Variants in FMN1 observed in about 807,000 individuals in gnomAD.
FMN1 encodes formin 1, also known as formin-1.
Under a neutral mutation model 132.4 loss-of-function variants are expected in FMN1, and 110 were observed. The ratio of observed to expected loss-of-function variants is 0.83; its 90% CI spans 0.71 to 0.97. The LOEUF (loss-of-function observed/expected upper bound fraction) is 0.97, where lower values mean the gene tolerates loss of function less well. Among genes scored for constraint, FMN1 ranks in the 50% least tolerant of loss-of-function variants. The pLI, the probability that FMN1 is intolerant of heterozygous loss-of-function variation, is 0.00. For synonymous variants in FMN1, 722 were observed against 651.7 expected, an observed-to-expected ratio of 1.11 and a Z score of -1.64; for missense variants, 1,792 against 1,705.3, an observed-to-expected ratio of 1.05 and a Z score of -0.90.
rs768678382 is a variant in FMN1 at position 33,088,904 on chromosome 15, ATC to A, written c.1936_1937del (p.Asp646TrpfsTer20). The A allele has an allele frequency of 1.1e-5, 17 of 1,535,784 alleles. No individual in the cohort carries two copies. The highest frequency in any genetic ancestry group is 2.0e-5 in the Admixed American group (1 of 50,938). ...TGTAGCCCAGAACCCACGCGCCTCC[ATC>A]TCTGTTGGGAAGGTCTTTAGGTGTC... ...EQTPKDLPNR[D>X]GGAWVLGYRA... On this transcript the variant is annotated frameshift_variant, in exon 5 of 21. Coordinates refer to ENST00000616417, the MANE Select transcript of FMN1 (RefSeq NM_001277313.2). LOFTEE classifies it high-confidence loss of function.
chr15:33,140,090 C>T (rs1381435196), intron 4 of FMN1, among the ~76,000 whole-genome samples: 2 of 151,674 alleles, frequency 1.3e-5, no homozygotes, highest in Non-Finnish European at 2.9e-5. Context: ...AAAAATAAAT[C>T]CTGATGATGC....
intron 7 of FMN1, among the ~76,000 whole-genome samples, chr15:32,976,698 G>A (rs1315837316): frequency 6.6e-6 from 1 of 152,150 alleles, no homozygotes; most frequent in Non-Finnish European, 1.5e-5. Context: ...TGCTGGGAGG[G>A]ATAAAGAAAT....
At chr15:33,144,237 G>A (rs1964119732) in intron 4 of FMN1, among the ~76,000 whole-genome samples, 1 of 152,140 alleles carries the variant, frequency 6.6e-6, no homozygotes, top group African/African-American at 2.4e-5. Context: ...TTAATTCAAA[G>A]GCTACCGAGT....
chr15:33,057,936 C>T (rs2037294625), intron 6 of FMN1, among the ~76,000 whole-genome samples: 1 of 122,502 alleles, frequency 8.2e-6, no homozygotes, highest in Admixed American at 8.0e-5. Context: ...GCTATAAGCA[C>T]ATGAAAGCAG....
chr15:32,934,544 T>C (rs28810708), intron 9 of FMN1, among the ~76,000 whole-genome samples: 2,343 of 152,150 alleles, frequency 0.015, 49 homozygotes, highest in African/African-American at 0.053. Flanking sequence ...CCCTACACTT[T>C]TATTTATCTA....
At chr15:32,971,248 TG>T (rs1567487176) in intron 7 of FMN1, among the ~76,000 whole-genome samples, 2 of 152,252 alleles carry the variant, frequency 1.3e-5, no homozygotes. Context: ...TAGTTTCTGT[TG>T]CTAATGCTAA....
chr15:32,867,465 A>G (rs1399142008), intron 16 of FMN1, among the ~76,000 whole-genome samples: 4 of 151,650 alleles, frequency 2.6e-5, no homozygotes, highest in Non-Finnish European at 5.9e-5. Context: ...GGACCTAGTC[A>G]GTGCTTAGTC....
chr15:33,040,606 G>A (rs541654329), intron 6 of FMN1, among the ~76,000 whole-genome samples: 2 of 152,330 alleles, frequency 1.3e-5, no homozygotes, highest in African/African-American at 4.8e-5. Flanking sequence ...AGTTAGATAT[G>A]ATCTGGGAGC....
intron 4 of FMN1, among the ~76,000 whole-genome samples, chr15:33,116,685 TAG>T (rs1304548468): frequency 3.3e-5 from 5 of 152,158 alleles, no homozygotes; most frequent in Non-Finnish European, 7.4e-5. Context: ...AAAGCAGTTG[TAG>T]AGAGGAAATT....
chr15:32,848,985 T>TGG (rs200737948), intron 17 of FMN1, among the ~76,000 whole-genome samples: 2 of 125,420 alleles, frequency 1.6e-5, no homozygotes, highest in African/African-American at 7.4e-5. Flanking sequence ...TTGTTTTTTT[T>TGG]TTTTTTTTTT....
At chr15:33,122,101 G>A (rs1215328172) in intron 4 of FMN1, among the ~76,000 whole-genome samples, 2 of 152,168 alleles carry the variant, frequency 1.3e-5, no homozygotes, top group Non-Finnish European at 2.9e-5. Context: ...GCAGGAAAGG[G>A]CCTGGGAACT....
chr15:33,192,552 G>A (rs993487197), intron 2 of FMN1, among the ~76,000 whole-genome samples: 4 of 152,232 alleles, frequency 2.6e-5, no homozygotes, highest in African/African-American at 9.6e-5. Flanking sequence ...CATCTTTAAC[G>A]TATCTCAACT....
intron 7 of FMN1, among the ~76,000 whole-genome samples, chr15:33,006,179 A>G (rs1236255313): frequency 6.6e-6 from 1 of 152,220 alleles, no homozygotes; most frequent in Non-Finnish European, 1.5e-5. Context: ...AAAATATTTA[A>G]GGAATTCAAA....
At chr15:32,963,975 C>T in intron 9 of FMN1, 132 bp downstream of exon 9, 1 of 490,096 alleles carries the variant, frequency 2.0e-6, no homozygotes, top group Non-Finnish European at 3.5e-6. Context: ...CTATGATACA[C>T]ACACATATAT....
chr15:32,819,208 A>G (rs2058140315), intron 17 of FMN1, among the ~76,000 whole-genome samples: 2 of 144,416 alleles, frequency 1.4e-5, no homozygotes, highest in African/African-American at 4.9e-5. Context: ...TTTCTGATCC[A>G]TGCAACCCCC....
chr15:33,081,344 G>T (rs2038449751), intron 5 of FMN1, among the ~76,000 whole-genome samples: 1 of 152,096 alleles, frequency 6.6e-6, no homozygotes, highest in Non-Finnish European at 1.5e-5. Context: ...TACGTATTTT[G>T]GGGTACGTGT....
At chr15:33,090,223 C>T (rs2038856103) in intron 4 of FMN1, among the ~76,000 whole-genome samples, 1 of 152,138 alleles carries the variant, frequency 6.6e-6, no homozygotes, top group Non-Finnish European at 1.5e-5. Context: ...GTTTATTACA[C>T]ATAATCCCTG....
intron 4 of FMN1, among the ~76,000 whole-genome samples, chr15:33,139,807 A>C (rs1209546261): frequency 2.0e-5 from 3 of 152,158 alleles, no homozygotes; most frequent in Non-Finnish European, 4.4e-5. Context: ...CATCTATAAC[A>C]TGAAGACACA....
intron 6 of FMN1, among the ~76,000 whole-genome samples, chr15:33,019,246 C>T (rs1276583385): frequency 6.6e-6 from 1 of 152,174 alleles, no homozygotes; most frequent in Admixed American, 6.5e-5. Flanking sequence ...ACTAGATTAG[C>T]TAGATACAGA....
Sources: allele counts gnomAD v4.1 joint callset (sites outside exome capture counted in the v4.1 genomes callset), GRCh38; gene constraint gnomAD v4.1.1; transcripts MANE v1.5; gene names NCBI Gene and HGNC (gene_info 2026-07-23, HGNC 2026-07-21).